Variants in LRRC4C observed in about 807,000 individuals in gnomAD.
LRRC4C encodes leucine-rich repeat-containing protein 4C.
Under a neutral mutation model 33.6 loss-of-function variants are expected in LRRC4C, and 5 were observed. That is an observed-to-expected ratio of 0.15 (90% CI 0.08 to 0.31). LRRC4C has a LOEUF of 0.31. Ranked by LOEUF, LRRC4C falls within the 10% of genes least tolerant of loss-of-function variation. The probability of loss-of-function intolerance (pLI) is 1.00; values close to 1 mark genes in which losing one functional copy is unlikely to be tolerated. For synonymous variants in LRRC4C, 329 were observed against 302.0 expected (o/e 1.09, Z -0.93); for missense variants, 560 against 796.7 (o/e 0.70, Z 3.58).
intron 3 of LRRC4C, among the ~76,000 whole-genome samples, chr11:40,582,961 G>T (rs1487220613): frequency 6.6e-6 from 1 of 152,044 alleles, no homozygotes; most frequent in Non-Finnish European, 1.5e-5. Context: ...ATTTGTGTTG[G>T]TAATATTTCA....
At chr11:41,238,167 T>TA (rs574832060) in intron 1 of LRRC4C, among the ~76,000 whole-genome samples, 129 of 152,320 alleles carry the variant, frequency 8.5e-4, no homozygotes, top group African/African-American at 3.0e-3. Flanking sequence ...ATGTGCTCAT[T>TA]AGAGATCTTT....
chr11:40,630,718 C>G (rs1264159641), intron 3 of LRRC4C, among the ~76,000 whole-genome samples: 1 of 152,056 alleles, frequency 6.6e-6, no homozygotes, highest in Non-Finnish European at 1.5e-5. Flanking sequence ...TGAGTCTCAC[C>G]AGAACATAAC....
chr11:40,516,516 T>A (rs1047222412), intron 3 of LRRC4C, among the ~76,000 whole-genome samples: 1 of 152,104 alleles, frequency 6.6e-6, no homozygotes, highest in African/African-American at 2.4e-5. Context: ...TTGGTTTATG[T>A]CCACTCTCTG....
At chr11:40,339,604 A>T (rs1157544258) in intron 3 of LRRC4C, among the ~76,000 whole-genome samples, 1 of 152,230 alleles carries the variant, frequency 6.6e-6, no homozygotes, top group Admixed American at 6.5e-5. Flanking sequence ...GGTTGAACAT[A>T]CTTAGTACAT....
At chr11:41,052,701 T>C (rs1387737757) in intron 1 of LRRC4C, among the ~76,000 whole-genome samples, 1 of 152,170 alleles carries the variant, frequency 6.6e-6, no homozygotes, top group Non-Finnish European at 1.5e-5. Flanking sequence ...TGGTTTGTGA[T>C]GAAAAGAGAA....
At chr11:40,586,656 G>T (rs1010006322) in intron 3 of LRRC4C, among the ~76,000 whole-genome samples, 1 of 149,438 alleles carries the variant, frequency 6.7e-6, no homozygotes, top group African/African-American at 2.5e-5. Context: ...TTTGTATAAG[G>T]TGTAAGGAAG....
At chr11:40,853,188 A>G (rs941417720) in intron 2 of LRRC4C, among the ~76,000 whole-genome samples, 1 of 152,148 alleles carries the variant, frequency 6.6e-6, no homozygotes, top group Non-Finnish European at 1.5e-5. Context: ...AGTACAACAC[A>G]TTCTGTACAG....
At chr11:40,159,901 A>C (rs893358873) in intron 5 of LRRC4C, among the ~76,000 whole-genome samples, 11 of 152,372 alleles carry the variant, frequency 7.2e-5, no homozygotes, top group African/African-American at 2.6e-4. Flanking sequence ...TCTCAAGCCT[A>C]GAATAATATT....
At chr11:40,183,294 C>T (rs1244061408) in intron 5 of LRRC4C, among the ~76,000 whole-genome samples, 1 of 152,062 alleles carries the variant, frequency 6.6e-6, no homozygotes, top group African/African-American at 2.4e-5. Context: ...ACATTAATTT[C>T]TTTCATTTGA....
At chr11:41,231,602 C>T (rs985061718) in intron 1 of LRRC4C, among the ~76,000 whole-genome samples, 2 of 123,494 alleles carry the variant, frequency 1.6e-5, no homozygotes, top group Admixed American at 1.1e-4. Context: ...CAATCACATG[C>T]CAGGGCCCCT....
At chr11:40,511,230 A>C (rs1284072474) in intron 3 of LRRC4C, among the ~76,000 whole-genome samples, 2 of 152,226 alleles carry the variant, frequency 1.3e-5, no homozygotes, top group Non-Finnish European at 2.9e-5. Flanking sequence ...ATATGAGCTC[A>C]TACTGAAAGT....
At chr11:40,809,135 C>A (rs4491209) in intron 2 of LRRC4C, among the ~76,000 whole-genome samples, 88,035 of 151,962 alleles carry the variant, frequency 0.58, 29,768 homozygotes, top group East Asian at 0.81. Flanking sequence ...CATCTCAATT[C>A]TCTGCTTCCC....
intron 2 of LRRC4C, among the ~76,000 whole-genome samples, chr11:40,814,304 G>C (rs963319291): frequency 6.6e-6 from 1 of 152,132 alleles, no homozygotes; most frequent in Non-Finnish European, 1.5e-5. Flanking sequence ...AAGCTGCCAA[G>C]GCTTGAGGCT....
At chr11:40,800,630 G>A (rs2135274152) in intron 2 of LRRC4C, among the ~76,000 whole-genome samples, 1 of 152,258 alleles carries the variant, frequency 6.6e-6, no homozygotes, top group Non-Finnish European at 1.5e-5. Context: ...AGGAAATTAA[G>A]CTTTAGAGGC....
chr11:40,116,041 A>G lies in LRRC4C; in HGVS notation c.252T>C (p.His84=). 6.2e-7 allele frequency: 1 copy of G among 1,614,064 alleles called. No individual in the cohort carries two copies. Among genetic ancestry groups the G allele is most frequent in the Non-Finnish European group, 8.5e-7 (1 of 1,180,022 alleles). ...CTTTGATGATCTGGATTTGGTTCTC[A>G]TGGAGGTTCAGCAGCCGTGTGTTGG... is the stretch of plus-strand genomic sequence containing the variant. ...ISTNTRLLNL[H]ENQIQIIKVN... The change falls in exon 7 of 7, where the codon CAT becomes CAC. Residue 84 remains histidine (H), a synonymous_variant. Transcript: ENST00000528697.
At chr11:40,605,839 C>T (rs1048934783) in intron 3 of LRRC4C, among the ~76,000 whole-genome samples, 1 of 152,214 alleles carries the variant, frequency 6.6e-6, no homozygotes, top group Non-Finnish European at 1.5e-5. Context: ...AGCCTCCCAA[C>T]TCCCAGATGC....
At chr11:40,999,419 G>T (rs1854207158) in intron 1 of LRRC4C, among the ~76,000 whole-genome samples, 2 of 152,046 alleles carry the variant, frequency 1.3e-5, no homozygotes, top group African/African-American at 4.8e-5. Flanking sequence ...CCAAAGTGAT[G>T]GCAGAATTCT....
chr11:40,151,237 T>G (rs1858179748), intron 5 of LRRC4C, among the ~76,000 whole-genome samples: 1 of 152,236 alleles, frequency 6.6e-6, no homozygotes, highest in Admixed American at 6.5e-5. Flanking sequence ...TGCAGTTTCC[T>G]GAGGCATCCA....
At chr11:40,553,386 A>G (rs1231492014) in intron 3 of LRRC4C, among the ~76,000 whole-genome samples, 1 of 152,260 alleles carries the variant, frequency 6.6e-6, no homozygotes, top group Non-Finnish European at 1.5e-5. Context: ...ATGTTATTTT[A>G]TATAACCTCA....
Sources: gnomAD v4.1 joint callset for allele counts (sites outside exome capture counted in the v4.1 genomes callset) on GRCh38, gnomAD v4.1.1 for gene constraint, MANE v1.5 for transcripts, NCBI Gene and HGNC (gene_info 2026-07-23, HGNC 2026-07-21) for gene names.